TOP2B: variants seen among roughly 807,000 people sequenced by gnomAD.
TOP2B encodes DNA topoisomerase 2-beta.
Under a neutral mutation model 193.5 loss-of-function variants are expected in TOP2B, and 51 were observed. That is an observed-to-expected ratio of 0.26 (90% CI 0.21 to 0.33). The LOEUF is 0.33. TOP2B is among the 10% of genes least tolerant of loss of function. TOP2B has a pLI of 1.00. For synonymous variants in TOP2B, 634 were observed against 635.7 expected (o/e 1.00, Z 0.04); for missense variants, 1,378 against 1,909.3 (o/e 0.72, Z 5.19).
Position 25,664,825 on chromosome 3 carries a change from C to CA in TOP2B, c.-529dup. The CA allele has an allele frequency of 4.0e-6, 4 of 990,726 alleles. No individual in the cohort carries two copies. Among genetic ancestry groups the CA allele is most frequent in the Non-Finnish European group, 4.8e-6 (4 of 832,306 alleles). 61.4% of individuals were successfully genotyped at this position (990,726 alleles called of 1,614,324 possible). A position where few individuals can be genotyped will look rare whatever the true frequency, so the allele number is the denominator to read the frequency against. On this transcript the variant is annotated 5_prime_UTR_variant, in exon 1 of 36. An upstream open reading frame in the 5' UTR loses its in-frame stop. Coordinates refer to ENST00000264331, the MANE Select transcript of TOP2B (RefSeq NM_001330700.2). ...TGCAGCCCCGATTTCCTCACACACA[C>CA]ACACCGAGAGGGACAATAAACAGAG... is the stretch of plus-strand genomic sequence containing the variant.
rs530955247 is a variant in TOP2B, at chr3:25,621,283, C to T, written c.2728-467G>A. On this transcript the variant is annotated intron_variant, in intron 21 of 35. Coordinates refer to ENST00000264331, the MANE Select transcript of TOP2B (RefSeq NM_001330700.2). ...AGTCCTGACACATATTCAGGCCCAA[C>T]CCCATTCCATTCATCATTCATCTAC... Among the ~76,000 whole-genome samples the T allele has an allele frequency of 2.0e-5, 3 of 152,326 alleles. No individual in the cohort carries two copies. In the South Asian group the frequency reaches 6.2e-4, roughly 32 times the overall value.
chr3:25,658,240 T>C (rs58660453), intron 1 of TOP2B, among the ~76,000 whole-genome samples: 27,414 of 150,686 alleles, frequency 0.18, 3,604 homozygotes, highest in African/African-American at 0.38. Context: ...TCAAAAAATA[T>C]ATAATAATAA....
At chr3:25,600,054 A>C (rs900244826) in intron 34 of TOP2B, among the ~76,000 whole-genome samples, 3 of 152,228 alleles carry the variant, frequency 2.0e-5, no homozygotes, top group African/African-American at 7.2e-5. Context: ...TCCCACATTA[A>C]GTGGCACCAT....
Position 25,664,561 on chromosome 3 carries a change from C to A in TOP2B, c.-264G>T. 1.9e-6 allele frequency: 2 copies of A among 1,079,134 alleles called. No homozygotes were observed. The highest frequency in any genetic ancestry group is 1.1e-6 in the Non-Finnish European group (1 of 891,452). The allele number at this position is 1,079,134 out of a possible 1,614,324, so 66.8% of individuals were successfully genotyped here. A position where few individuals can be genotyped will look rare whatever the true frequency, so the allele number is the denominator to read the frequency against. ...CGGCGGCTGAGGAGAAAGCAGGGAG[C>A]GACCGGCGGCGGCCGAGCGGCGGCG... On this transcript the variant is annotated 5_prime_UTR_variant, in exon 1 of 36. Coordinates refer to ENST00000264331, the MANE Select transcript of TOP2B (RefSeq NM_001330700.2).
At position 25,607,331 on chromosome 3, in the gene TOP2B, C is replaced by T. The variant is rs1702261198; in HGVS notation, c.4138G>A (p.Asp1380Asn). 2 of 1,552,290 alleles carry T rather than the reference C, an allele frequency of 1.3e-6. No homozygotes were observed. Among genetic ancestry groups the T allele is most frequent in the Non-Finnish European group, 1.7e-6 (2 of 1,147,138 alleles). ...TCATCATCATCATCATCAGCATCAT[C>T]ATCCTCTTCTTCTGAGAAATCAAAT... is the stretch of plus-strand genomic sequence containing the variant. ...YTFDFSEEED[D>N]DADDDDDDNN... The change falls in exon 31 of 36, where the codon GAT becomes AAT. Residue 1380 changes from aspartate to asparagine, a missense_variant. Physicochemically the swap from Asp to Asn is conservative, Grantham distance 23. This residue lies in a region of TOP2B where 556 missense variants were observed against 584.2 expected (regional missense o/e 0.95). Transcript: ENST00000264331.
rs1702615282 is a variant in TOP2B, at chr3:25,620,019, T to C, written c.2906A>G (p.Asp969Gly). The change falls in exon 23 of 36, where the codon GAT becomes GGT. Residue 969 changes from aspartate (D) to glycine (G), a missense_variant. Physicochemically the swap from Asp to Gly is moderately conservative, Grantham distance 94. This residue lies in a region of TOP2B where 379 missense variants were observed against 615.1 expected (regional missense o/e 0.62). Transcript: ENST00000264331. ...ATCAGAAATTAATGCTGGTGTTTTATCTGTTCCATTTAGCATAGGTTCTAA... is the reference window on the plus strand; with the variant it reads ...ATCAGAAATTAATGCTGGTGTTTTACCTGTTCCATTTAGCATAGGTTCTAA... ...QVLEPMLNGT[D>G]KTPALISDYK... The C allele has an allele frequency of 6.3e-7, 1 of 1,579,824 alleles. No homozygotes were observed. Among genetic ancestry groups the C allele is most frequent in the Non-Finnish European group, 8.6e-7 (1 of 1,157,786 alleles).
At chr3:25,627,422 A>AACTTTTTTTTTTTTTTTTT in intron 15 of TOP2B, 126 bp from the exon 16 acceptor site, 2 of 514,326 alleles carry the variant, frequency 3.9e-6, no homozygotes, top group Non-Finnish European at 3.4e-6. Flanking sequence ...TAAGTGATCA[A>AACTTTTTTTTTTTTTTTTT]TCTTAATAAG....
At chr3:25,631,996 G>A (rs74574196) in intron 10 of TOP2B, among the ~76,000 whole-genome samples, 2,027 of 152,036 alleles carry the variant, frequency 0.013, 49 homozygotes, top group African/African-American at 0.044. Flanking sequence ...AGAAGTTAAG[G>A]TAGCCTAAAA....
chr3:25,638,961 G>C (rs1360205359), intron 4 of TOP2B, among the ~76,000 whole-genome samples: 2 of 152,060 alleles, frequency 1.3e-5, no homozygotes, highest in African/African-American at 4.8e-5. Flanking sequence ...AAAATAATTA[G>C]GCTGAAAAAA....
rs180969950 is a variant in TOP2B, at chr3:25,618,100, T to C, written c.3351+318A>G. 518 of 276,498 alleles carry C rather than the reference T, an allele frequency of 1.9e-3. 3 individuals are homozygous for C. The highest frequency in any genetic ancestry group is 3.8e-3 in the Middle Eastern group (3 of 798). The allele number at this position is 276,498 out of a possible 1,614,324, so 17.1% of individuals were successfully genotyped here. On this transcript the variant is annotated intron_variant, in intron 25 of 35. Coordinates refer to ENST00000264331, the MANE Select transcript of TOP2B (RefSeq NM_001330700.2). ...GATTCCCAGGTAATATACATGTACC[T>C]CACAAAAACCACCACCACAACACCT...
chr3:25,659,205 A>C (rs565287058), intron 1 of TOP2B, among the ~76,000 whole-genome samples: 1 of 152,150 alleles, frequency 6.6e-6, no homozygotes, highest in South Asian at 2.1e-4. Context: ...ACCATATTTC[A>C]CCTATATGTA....
Position 25,626,882 on chromosome 3 carries a change from A to G in TOP2B, c.2017-18T>C. On this transcript the variant is annotated intron_variant, in intron 16 of 35. Coordinates refer to ENST00000264331, the MANE Select transcript of TOP2B (RefSeq NM_001330700.2). The stretch of plus-strand genomic sequence containing the variant: ...CTAAATGCCTGAAAGATTCCAGGTA[A>G]CGATTTTGCACATTAAAAATAAAAT... The G allele has an allele frequency of 7.2e-7, 1 of 1,397,582 alleles. No individual in the cohort carries two copies. The highest frequency in any genetic ancestry group is 9.9e-7 in the Non-Finnish European group (1 of 1,012,970). 86.6% of individuals were successfully genotyped at this position (1,397,582 alleles called of 1,614,324 possible).
chr3:25,604,620 G>A (rs1264234287), intron 33 of TOP2B, 140 bp downstream of exon 33: 16 of 631,464 alleles, frequency 2.5e-5, no homozygotes, highest in Non-Finnish European at 3.9e-5. Flanking sequence ...GCTAGAAAAC[G>A]AGAGGTTCTC....
intron 23 of TOP2B, 117 bp downstream of exon 23, chr3:25,619,738 GAAAAAAA>G (rs375797612): frequency 7.6e-6 from 4 of 524,158 alleles, no homozygotes; most frequent in African/African-American, 2.4e-5. Context: ...TGCAGGATGG[GAAAAAAA>G]AAAAAAAAAA....
Position 25,619,854 on chromosome 3 carries a change from T to A in TOP2B, c.3063+8A>T, listed in dbSNP as rs752275400. The A allele has an allele frequency of 1.1e-5, 17 of 1,571,160 alleles. No homozygotes were observed. The highest frequency in any genetic ancestry group is 1.5e-5 in the Non-Finnish European group (17 of 1,142,332). ...AAGATTAAATTAACAGTAAATCTAA[T>A]AAATTACCATGGAATTACAAGTAAG... On this transcript the variant is annotated splice_region_variant and intron_variant, in intron 23 of 35. Coordinates refer to ENST00000264331, the MANE Select transcript of TOP2B (RefSeq NM_001330700.2).
chr3:25,599,851 A>ACTT (rs1438187997), intron 34 of TOP2B, among the ~76,000 whole-genome samples: 13 of 152,238 alleles, frequency 8.5e-5, no homozygotes, highest in African/African-American at 3.1e-4. Context: ...TTGGAAGAGT[A>ACTT]CTTCTTAAAT....
At chr3:25,628,794 A>C (rs540894423) in intron 15 of TOP2B, 53 bp downstream of exon 15, 2 of 1,102,950 alleles carry the variant, frequency 1.8e-6, no homozygotes, top group African/African-American at 3.2e-5. Context: ...GATTGCTTTC[A>C]TAAGAATACA....
intron 21 of TOP2B, 73 bp from the exon 22 acceptor site, chr3:25,620,889 G>A (rs528372658): frequency 1.4e-6 from 2 of 1,477,048 alleles, no homozygotes; most frequent in Admixed American, 2.1e-5. Flanking sequence ...GTCTAACATT[G>A]ACAGATTAAC....
Position 25,601,127 on chromosome 3 carries a change from T to A in TOP2B, c.4588A>T (p.Ile1530Phe), listed in dbSNP as rs759285369. 2.5e-6 allele frequency: 4 copies of A among 1,613,696 alleles called. No homozygotes were observed. In the African/African-American group the frequency reaches 5.3e-5, roughly 22 times the overall value. ...TTTGGTGTTGTAGTCTTCTTTGGAA[T>A]GCCAAATTCTGAATCCGAGTCAGAG... ...VNSDSDSEFG[I>F]PKKTTTPKGK... Residue 1530 changes from isoleucine to phenylalanine, a missense_variant, in exon 34 of 36, where the codon ATT becomes TTT. Ile to Phe is a conservative substitution (Grantham distance 21). Transcript: ENST00000264331.
Sources: gnomAD v4.1 joint callset for allele counts (sites outside exome capture counted in the v4.1 genomes callset) on GRCh38, gnomAD v4.1.1 for gene constraint, gnomAD v4.1.1 regional missense constraint, MANE v1.5 for transcripts, NCBI Gene and HGNC (gene_info 2026-07-23, HGNC 2026-07-21) for gene names.